Variants in AKAP19 observed in about 807,000 individuals in gnomAD.
AKAP19 encodes A-kinase anchoring protein 19.
At chr2:190,084,272 T>TAGCCAAA in the AKAP19 span, among the ~76,000 whole-genome samples, 30 of 152,166 alleles carry the variant, frequency 2.0e-4, 1 homozygote, top group African/African-American at 6.7e-4. Context: ...TTTGTACTTT[T>TAGCCAAA]AGTAGAGACA....
the AKAP19 span, among the ~76,000 whole-genome samples, chr2:190,038,621 C>G: frequency 6.6e-6 from 1 of 152,130 alleles, no homozygotes; most frequent in East Asian, 1.9e-4. Context: ...GCAAGGACAC[C>G]TTATAACATT....
the AKAP19 span, among the ~76,000 whole-genome samples, chr2:190,192,969 C>T: frequency 6.6e-6 from 1 of 151,946 alleles, no homozygotes; most frequent in South Asian, 2.1e-4. Flanking sequence ...TGGCAGTTTT[C>T]TCCTTCTCTC....
the AKAP19 span, among the ~76,000 whole-genome samples, chr2:190,007,565 A>G: frequency 1.3e-5 from 2 of 152,216 alleles, no homozygotes; most frequent in African/African-American, 2.4e-5. Context: ...AATGATTTTC[A>G]TTTAAGGACT....
the AKAP19 span, among the ~76,000 whole-genome samples, chr2:189,990,657 T>A: frequency 6.6e-6 from 1 of 152,318 alleles, no homozygotes; most frequent in South Asian, 2.1e-4. Flanking sequence ...ATTTCTCTTC[T>A]TTTTTCTTAA....
At chr2:189,979,567 A>T in the AKAP19 span, among the ~76,000 whole-genome samples, 1 of 152,238 alleles carries the variant, frequency 6.6e-6, no homozygotes, top group African/African-American at 2.4e-5. Flanking sequence ...ACAGAAACCA[A>T]AATAGATACA....
the AKAP19 span, among the ~76,000 whole-genome samples, chr2:190,106,251 T>C: frequency 6.6e-6 from 1 of 152,364 alleles, no homozygotes; most frequent in Non-Finnish European, 1.5e-5. Context: ...CTGAGGAGCC[T>C]AAATTACATT....
the AKAP19 span, among the ~76,000 whole-genome samples, chr2:189,965,629 A>G: frequency 1.4e-5 from 2 of 142,894 alleles, no homozygotes; most frequent in African/African-American, 2.7e-5. Context: ...AGTGGCCACA[A>G]TAAAAAAATA....
the AKAP19 span, chr2:190,181,297 A>G: frequency 3.2e-6 from 1 of 316,894 alleles, no homozygotes; most frequent in Admixed American, 6.5e-5. Flanking sequence ...CTAATCGAGA[A>G]GAGTTAGCCC....
the AKAP19 span, among the ~76,000 whole-genome samples, chr2:190,018,111 T>A: frequency 6.6e-6 from 1 of 152,158 alleles, no homozygotes; most frequent in Non-Finnish European, 1.5e-5. Context: ...GTTTGATTCT[T>A]ATGTGTCATG....
the AKAP19 span, among the ~76,000 whole-genome samples, chr2:190,196,254 C>G: frequency 6.6e-6 from 1 of 151,818 alleles, no homozygotes; most frequent in African/African-American, 2.4e-5. Flanking sequence ...TGTTTTAAAT[C>G]TTTTCCCTCC....
At chr2:190,105,371 T>C in the AKAP19 span, among the ~76,000 whole-genome samples, 1 of 152,226 alleles carries the variant, frequency 6.6e-6, no homozygotes, top group African/African-American at 2.4e-5. Flanking sequence ...GATTGATTTA[T>C]TGAATCAAAG....
At chr2:190,071,683 TATC>T in the AKAP19 span, among the ~76,000 whole-genome samples, 8 of 152,202 alleles carry the variant, frequency 5.3e-5, no homozygotes. Context: ...ACAATATTGA[TATC>T]ATTAATATTA....
At chr2:190,001,666 G>T in the AKAP19 span, among the ~76,000 whole-genome samples, 1 of 152,158 alleles carries the variant, frequency 6.6e-6, no homozygotes, top group South Asian at 2.1e-4. Context: ...TAAACACCTT[G>T]ATTCAGTAAG....
the AKAP19 span, among the ~76,000 whole-genome samples, chr2:189,977,089 G>A: frequency 6.6e-6 from 1 of 152,208 alleles, no homozygotes; most frequent in Admixed American, 6.5e-5. Context: ...GCTGTAGACT[G>A]AAGCTGTTCC....
the AKAP19 span, among the ~76,000 whole-genome samples, chr2:189,955,026 C>T: frequency 6.6e-6 from 1 of 152,190 alleles, no homozygotes; most frequent in Admixed American, 6.5e-5. Flanking sequence ...GAATGCTGGG[C>T]TTTTAGTGTA....
the AKAP19 span, among the ~76,000 whole-genome samples, chr2:190,011,050 C>CTTT: frequency 1.2e-3 from 74 of 59,524 alleles, no homozygotes; most frequent in East Asian, 7.5e-3. Flanking sequence ...CTCTCTCTCT[C>CTTT]TTTTTTTTTT....
the AKAP19 span, among the ~76,000 whole-genome samples, chr2:190,161,641 C>T: frequency 2.6e-5 from 4 of 152,128 alleles, no homozygotes; most frequent in African/African-American, 4.8e-5. Flanking sequence ...AATGCAGTAG[C>T]TCAGTATTGA....
chr2:189,927,617 A>C, the AKAP19 span, among the ~76,000 whole-genome samples: 220 of 152,306 alleles, frequency 1.4e-3, no homozygotes, highest in African/African-American at 5.1e-3. Flanking sequence ...AAACATTTTG[A>C]AGATTTTAAG....
the AKAP19 span, among the ~76,000 whole-genome samples, chr2:190,052,273 G>C: frequency 6.6e-6 from 1 of 152,132 alleles, no homozygotes; most frequent in Non-Finnish European, 1.5e-5. Flanking sequence ...AAAGTATGCA[G>C]CTTTTCAGGA....
Sources: gnomAD v4.1 joint callset for allele counts (sites outside exome capture counted in the v4.1 genomes callset) on GRCh38, gnomAD v4.1.1 for gene constraint, MANE v1.5 for transcripts, NCBI Gene and HGNC (gene_info 2026-07-23, HGNC 2026-07-21) for gene names.